RC3H1: variants seen among roughly 807,000 people sequenced by gnomAD.
RC3H1 encodes ring finger and CCCH-type domains 1, also known as roquin-1.
In RC3H1, 50 loss-of-function variants were observed where a neutral mutation model predicts 138.2. The ratio of observed to expected loss-of-function variants is 0.36; its 90% confidence interval spans 0.29 to 0.46. The LOEUF (loss-of-function observed/expected upper bound fraction) is 0.46. Ranked by LOEUF, RC3H1 falls within the 20% of genes least tolerant of loss-of-function variation. The pLI, the probability that RC3H1 is intolerant of heterozygous loss-of-function variation, is 1.00. For synonymous variants in RC3H1, 462 were observed against 489.1 expected (o/e 0.94, Z 0.73); for missense variants, 1,031 against 1,388.1 (o/e 0.74, Z 4.09).
At position 173,964,089 on chromosome 1, in the gene RC3H1, T is replaced by C. The variant is rs547362520; in HGVS notation, c.1715A>G (p.Lys572Arg). Reference protein sequence around the residue: ...PADLPPMPVTKPLQMVPRGSQ... With the variant: ...PADLPPMPVTRPLQMVPRGSQ... ...ACCTCGAGGTACCATCTGAAGTGGTTTGGTAACAGGCATTGGAGGCAGATC... is the reference window on the plus strand; with the variant it reads ...ACCTCGAGGTACCATCTGAAGTGGTCTGGTAACAGGCATTGGAGGCAGATC... Residue 572 changes from lysine to arginine, a missense_variant, in exon 11 of 20, where the codon AAA becomes AGA. By Grantham distance (26) the Lys-to-Arg change is conservative. Coordinates refer to ENST00000367696, the MANE Select transcript of RC3H1 (RefSeq NM_172071.4). The C allele has an allele frequency of 1.9e-6, 3 of 1,614,138 alleles. No homozygotes were observed. Among genetic ancestry groups the C allele is most frequent in the South Asian group, 2.2e-5 (2 of 91,086 alleles).
At chr1:173,998,220 T>C (rs1452593145) in intron 1 of RC3H1, among the ~76,000 whole-genome samples, 2 of 152,152 alleles carry the variant, frequency 1.3e-5, no homozygotes, top group East Asian at 1.9e-4. Flanking sequence ...AGATAAACTG[T>C]TGGGGGTCAG....
chr1:174,014,483 T>C (rs755011646), intron 1 of RC3H1, among the ~76,000 whole-genome samples: 1 of 152,186 alleles, frequency 6.6e-6, no homozygotes, highest in African/African-American at 2.4e-5. Flanking sequence ...GAGAATGGCA[T>C]ATGAAGAATT....
chr1:173,951,865 T>C, intron 14 of RC3H1, 121 bp downstream of exon 14: 1 of 825,926 alleles, frequency 1.2e-6, no homozygotes, highest in Non-Finnish European at 1.8e-6. Flanking sequence ...AACTGCAGAG[T>C]ATAGAATATG....
At chr1:173,998,699 C>G (rs1216416146) in intron 1 of RC3H1, among the ~76,000 whole-genome samples, 10 of 152,164 alleles carry the variant, frequency 6.6e-5, no homozygotes, top group African/African-American at 2.4e-4. Context: ...AGAACCACCA[C>G]TTTCTTAAAT....
At chr1:173,992,652 AG>A in intron 2 of RC3H1, 102 bp downstream of exon 2, 3 of 853,224 alleles carry the variant, frequency 3.5e-6, no homozygotes, top group Non-Finnish European at 3.6e-6. Context: ...GGTTTCTCTC[AG>A]GAGAAAAACA....
chr1:173,964,693 A>G, intron 10 of RC3H1, 146 bp downstream of exon 10: 1 of 754,966 alleles, frequency 1.3e-6, no homozygotes, highest in Non-Finnish European at 2.1e-6. Flanking sequence ...AAAAAACACT[A>G]GCATGGGAAA....
chr1:173,985,209 T>C (rs774520190), intron 2 of RC3H1, among the ~76,000 whole-genome samples: 9 of 152,220 alleles, frequency 5.9e-5, no homozygotes, highest in Admixed American at 4.6e-4. Flanking sequence ...ACAATCATCA[T>C]TGACAGACAT....
intron 12 of RC3H1, 117 bp downstream of exon 12, chr1:173,961,605 AAAG>A (rs780312361): frequency 3.7e-5 from 38 of 1,029,164 alleles, no homozygotes; most frequent in Admixed American, 7.8e-5. Flanking sequence ...TTTAAAAAAA[AAAG>A]AAGCTCTCTT....
chr1:173,992,719 G>A, intron 2 of RC3H1, 36 bp downstream of exon 2: 2 of 1,449,330 alleles, frequency 1.4e-6, no homozygotes, highest in Admixed American at 1.7e-5. Context: ...GAGAGAGAGA[G>A]GGAGAAATTT....
rs146812796 is a variant in RC3H1, at chr1:173,935,832, A to G, written c.*2889T>C. On this transcript the variant is annotated 3_prime_UTR_variant, in exon 20 of 20. Coordinates refer to ENST00000367696, the MANE Select transcript of RC3H1 (RefSeq NM_172071.4). ...GGTAAGGTGGAATGACCAATTTAAA[A>G]TACATTATAGGCACAATGGGACAAT... is the stretch of plus-strand genomic sequence containing the variant. 2 of 152,348 alleles carry G rather than the reference A, an allele frequency of 1.3e-5. No homozygotes were observed. The highest frequency in any genetic ancestry group is 3.9e-4 in the East Asian group (2 of 5,188). 9.4% of individuals were successfully genotyped at this position (152,348 alleles called of 1,614,324 possible).
intron 19 of RC3H1, among the ~76,000 whole-genome samples, chr1:173,939,796 T>C (rs1023352543): frequency 7.5e-5 from 11 of 146,556 alleles, no homozygotes; most frequent in Non-Finnish European, 1.5e-4. Context: ...GATCATGCCA[T>C]TGCACTCCAG....
chr1:173,995,690 C>T (rs1261178139), intron 1 of RC3H1, among the ~76,000 whole-genome samples: 1 of 152,126 alleles, frequency 6.6e-6, no homozygotes, highest in African/African-American at 2.4e-5. Flanking sequence ...TCAATGTTCT[C>T]CTGTGATATT....
chr1:173,938,899 G>GGA, intron 19 of RC3H1, 28 bp from the exon 20 acceptor site: 2 of 1,542,364 alleles, frequency 1.3e-6, no homozygotes, highest in African/African-American at 1.4e-5. Flanking sequence ...TTTTGAAAAA[G>GGA]GAGAGAGAGA....
Position 173,932,662 on chromosome 1 carries a change from A to G in RC3H1, c.*6059T>C, listed in dbSNP as rs1658429477. On this transcript the variant is annotated 3_prime_UTR_variant, in exon 20 of 20. Coordinates refer to ENST00000367696, the MANE Select transcript of RC3H1 (RefSeq NM_172071.4). ...ACTCTCAAGACAGTGTCTTAGTTGA[A>G]TAGAGGATGTAAAAACGATAAGCAA... The G allele has an allele frequency of 6.6e-6, 1 of 152,158 alleles. No individual in the cohort carries two copies. The highest frequency in any genetic ancestry group is 2.1e-4 in the South Asian group (1 of 4,832). The allele number at this position is 152,158 out of a possible 1,614,324, so 9.4% of individuals were successfully genotyped here. A position where few individuals can be genotyped will look rare whatever the true frequency, so the allele number is the denominator to read the frequency against.
chr1:173,957,094 G>A (rs141484153), intron 13 of RC3H1, among the ~76,000 whole-genome samples: 1 of 151,952 alleles, frequency 6.6e-6, no homozygotes, highest in African/African-American at 2.4e-5. Context: ...TTGTATTCAG[G>A]TTGTTTATAA....
chr1:173,963,046 C>T, intron 11 of RC3H1, among the ~76,000 whole-genome samples: 1 of 152,172 alleles, frequency 6.6e-6, no homozygotes, highest in East Asian at 1.9e-4. Flanking sequence ...AGATCCAACA[C>T]TTAAAATCAT....
chr1:173,970,398 A>G (rs1429353451), intron 9 of RC3H1, 107 bp downstream of exon 9: 1 of 765,728 alleles, frequency 1.3e-6, no homozygotes, highest in Non-Finnish European at 2.2e-6. Flanking sequence ...CATTCTAAAA[A>G]TGTCCTATTC....
rs1056206255 is a variant in RC3H1 at position 173,937,975 on chromosome 1, C to T, written c.*746G>A. 6.6e-6 allele frequency: 1 copy of T among 152,028 alleles called. No homozygotes were observed. Among genetic ancestry groups the T allele is most frequent in the Non-Finnish European group, 1.5e-5 (1 of 67,996 alleles). 9.4% of individuals were successfully genotyped at this position (152,028 alleles called of 1,614,324 possible). On this transcript the variant is annotated 3_prime_UTR_variant, in exon 20 of 20. Transcript: ENST00000367696. ...GCTTTCTGATTATATTAAGAGAATG[C>T]AAATGATCCTTAATATGAAAATGAG...
At chr1:173,977,065 GGCGCCCGCCACCAT>G (rs1428471097) in intron 7 of RC3H1, among the ~76,000 whole-genome samples, 2 of 152,056 alleles carry the variant, frequency 1.3e-5, no homozygotes, top group Non-Finnish European at 1.5e-5. Context: ...TGGGACTACA[GGCGCCCGCCACCAT>G]GCCCAGCTAA....
Sources: allele counts gnomAD v4.1 joint callset (sites outside exome capture counted in the v4.1 genomes callset), GRCh38; gene constraint gnomAD v4.1.1; transcripts MANE v1.5; gene names NCBI Gene and HGNC (gene_info 2026-07-23, HGNC 2026-07-21).